CADM1: variants seen among roughly 807,000 people sequenced by gnomAD.
CADM1 encodes TSLC-1.
CADM1 carries 15 observed loss-of-function variants against 53.1 expected under a neutral mutation model. The observed-to-expected ratio is 0.28, with a 90% CI of 0.19 to 0.44. CADM1 has a LOEUF of 0.44. CADM1 is among the 20% of genes least tolerant of loss of function. CADM1 has a pLI of 1.00. For missense variants in CADM1, 434 were observed against 611.3 expected (o/e 0.71, Z 3.06); for synonymous variants, 281 against 243.0 (o/e 1.16, Z -1.45).
intron 1 of CADM1, among the ~76,000 whole-genome samples, chr11:115,365,728 C>T (rs1309838306): frequency 6.6e-6 from 1 of 151,318 alleles, no homozygotes; most frequent in Non-Finnish European, 1.5e-5. Flanking sequence ...ATGTTCTGAG[C>T]GCGGCAAAAA....
chr11:115,268,173 G>T (rs1943200178), intron 1 of CADM1, among the ~76,000 whole-genome samples: 1 of 152,194 alleles, frequency 6.6e-6, no homozygotes, highest in Non-Finnish European at 1.5e-5. Flanking sequence ...GACGCAGCTG[G>T]CTTGGGGTAA....
intron 1 of CADM1, among the ~76,000 whole-genome samples, chr11:115,246,621 C>T (rs45624531): frequency 0.2 from 30,394 of 152,068 alleles, 3,227 homozygotes; most frequent in South Asian, 0.32. Context: ...GATGCCAGAC[C>T]CCCTGACCAA....
chr11:115,364,943 A>G (rs1946120197), intron 1 of CADM1, among the ~76,000 whole-genome samples: 2 of 152,338 alleles, frequency 1.3e-5, no homozygotes, highest in Admixed American at 1.3e-4. Context: ...ACAATATTAA[A>G]TATTATATTC....
chr11:115,192,238 C>CCCA (rs1939909384), intron 9 of CADM1, among the ~76,000 whole-genome samples: 1 of 152,206 alleles, frequency 6.6e-6, no homozygotes, highest in East Asian at 1.9e-4. Flanking sequence ...CTGTGAAAGA[C>CCCA]GGCTGTCACA....
intron 10 of CADM1, among the ~76,000 whole-genome samples, chr11:115,188,661 T>C (rs1010250098): frequency 6.6e-6 from 1 of 152,198 alleles, no homozygotes; most frequent in Non-Finnish European, 1.5e-5. Flanking sequence ...TACCACAGTT[T>C]AGCATTAAAT....
At chr11:115,413,859 G>A (rs376610378) in intron 1 of CADM1, among the ~76,000 whole-genome samples, 3 of 151,934 alleles carry the variant, frequency 2.0e-5, no homozygotes, top group Non-Finnish European at 4.4e-5. Context: ...TGGCCAGGCT[G>A]GCCTCAAACT....
At chr11:115,319,359 A>C (rs1944761258) in intron 1 of CADM1, among the ~76,000 whole-genome samples, 1 of 152,158 alleles carries the variant, frequency 6.6e-6, no homozygotes, top group Non-Finnish European at 1.5e-5. Context: ...CATCAGTAAA[A>C]AAGTCACCAA....
chr11:115,211,087 G>C (rs1455912047), intron 7 of CADM1, among the ~76,000 whole-genome samples: 9 of 152,156 alleles, frequency 5.9e-5, no homozygotes, highest in Admixed American at 6.5e-5. Flanking sequence ...GGTTAAGTTA[G>C]TGATTTTAAA....
chr11:115,273,937 A>G (rs1043020527), intron 1 of CADM1, among the ~76,000 whole-genome samples: 9 of 152,218 alleles, frequency 5.9e-5, no homozygotes, highest in Admixed American at 5.2e-4. Context: ...GTTGGTCTTC[A>G]TACCCATTAA....
At chr11:115,241,683 C>T (rs958547626) in intron 1 of CADM1, among the ~76,000 whole-genome samples, 20 of 152,174 alleles carry the variant, frequency 1.3e-4, no homozygotes, top group East Asian at 3.9e-4. Context: ...TCATCATCAT[C>T]GTCATCATTT....
chr11:115,407,963 A>G (rs1947361015), intron 1 of CADM1, among the ~76,000 whole-genome samples: 1 of 151,182 alleles, frequency 6.6e-6, no homozygotes, highest in Non-Finnish European at 1.5e-5. Flanking sequence ...TTTAAATGCC[A>G]AAAAAGCTCC....
chr11:115,232,957 A>G (rs1426607167), intron 3 of CADM1, among the ~76,000 whole-genome samples: 1 of 152,240 alleles, frequency 6.6e-6, no homozygotes, highest in African/African-American at 2.4e-5. Flanking sequence ...CTGCTTCAAT[A>G]AATTATGGTA....
At chr11:115,371,087 T>G (rs559880992) in intron 1 of CADM1, among the ~76,000 whole-genome samples, 3 of 152,204 alleles carry the variant, frequency 2.0e-5, no homozygotes, top group South Asian at 4.1e-4. Flanking sequence ...GGGAAAATAA[T>G]AGAAATATAG....
rs1168648330 is a variant in CADM1, at chr11:115,174,079, A to G, written c.*2395T>C. The G allele has an allele frequency of 4.1e-6, 4 of 982,768 alleles. No homozygotes were observed. The highest frequency in any genetic ancestry group is 4.8e-6 in the Non-Finnish European group (4 of 827,522). The allele number at this position is 982,768 out of a possible 1,614,324, so 60.9% of individuals were successfully genotyped here. A position where few individuals can be genotyped will look rare whatever the true frequency, so the allele number is the denominator to read the frequency against. ...CTTTGTTTTATTATTATTTTTTCCA[A>G]TGTGTGGGGCCTACACTTTGCAATC... is the stretch of plus-strand genomic sequence containing the variant. On this transcript the variant is annotated 3_prime_UTR_variant, in exon 12 of 12. Transcript: ENST00000331581.
chr11:115,419,502 C>T (rs1233023157), intron 1 of CADM1, among the ~76,000 whole-genome samples: 2 of 152,134 alleles, frequency 1.3e-5, no homozygotes, highest in Non-Finnish European at 2.9e-5. Flanking sequence ...TCTTTAAGTT[C>T]AAACTACATT....
intron 1 of CADM1, among the ~76,000 whole-genome samples, chr11:115,276,264 T>C (rs1036590813): frequency 1.3e-5 from 2 of 152,220 alleles, no homozygotes; most frequent in Admixed American, 1.3e-4. Context: ...GCAATGCATT[T>C]GTATTTGTGC....
chr11:115,384,951 T>C (rs1396262473), intron 1 of CADM1, among the ~76,000 whole-genome samples: 1 of 152,152 alleles, frequency 6.6e-6, no homozygotes, highest in African/African-American at 2.4e-5. Context: ...TTGGGGACAA[T>C]ACAGCTAAAA....
intron 1 of CADM1, among the ~76,000 whole-genome samples, chr11:115,451,287 T>C (rs1010666706): frequency 1.3e-5 from 2 of 152,218 alleles, no homozygotes; most frequent in Non-Finnish European, 2.9e-5. Flanking sequence ...TATTTTATAT[T>C]ACGATTGTTC....
intron 1 of CADM1, among the ~76,000 whole-genome samples, chr11:115,347,170 G>A (rs1171090955): frequency 6.6e-6 from 1 of 152,114 alleles, no homozygotes; most frequent in African/African-American, 2.4e-5. Context: ...TCAGGTCAAA[G>A]GTCATGGATG....
Sources: allele counts gnomAD v4.1 joint callset (sites outside exome capture counted in the v4.1 genomes callset), GRCh38; gene constraint gnomAD v4.1.1; transcripts MANE v1.5; gene names NCBI Gene and HGNC (gene_info 2026-07-23, HGNC 2026-07-21).